PLEKHO2: variants seen among roughly 807,000 people sequenced by gnomAD.
PLEKHO2 encodes the protein pleckstrin homology domain containing O2.
Under a neutral mutation model 32.7 loss-of-function variants are expected in PLEKHO2, and 20 were observed. The observed-to-expected ratio is 0.61, with a 90% confidence interval of 0.43 to 0.89. PLEKHO2 has a LOEUF of 0.89. PLEKHO2 is among the 40% of genes least tolerant of loss of function. PLEKHO2 has a pLI of 0.00. For synonymous variants in PLEKHO2, 247 were observed against 246.3 expected (o/e 1.00, Z -0.03); for missense variants, 568 against 621.2 (o/e 0.91, Z 0.91).
intron 1 of PLEKHO2, 25 bp downstream of exon 1, chr15:64,842,053 T>C: frequency 8.1e-7 from 1 of 1,237,276 alleles, no homozygotes; most frequent in Non-Finnish European, 1.0e-6. Context: ...CGGCGGGGCG[T>C]TGGGCTGGGG....
chr15:64,846,310 G>A (rs937460444), intron 1 of PLEKHO2, among the ~76,000 whole-genome samples: 9 of 151,776 alleles, frequency 5.9e-5, no homozygotes, highest in Admixed American at 5.3e-4. Flanking sequence ...CTATATCTGG[G>A]AAGACCTTTT....
chr15:64,865,587 T>G lies in PLEKHO2; in HGVS notation c.1172T>G (p.Leu391Arg). 3.7e-6 allele frequency: 6 copies of G among 1,614,196 alleles called. No individual in the cohort carries two copies. The highest frequency in any genetic ancestry group is 4.2e-6 in the Non-Finnish European group (5 of 1,180,016). Reference sequence around the variant, plus strand: ...CAGTTCCATCCCCGCTGCTCCTCCCTTGGGGACTTGCTTGGGGAAGGCCCG... The same window carrying G: ...CAGTTCCATCCCCGCTGCTCCTCCCGTGGGGACTTGCTTGGGGAAGGCCCG... ...PPQFHPRCSS[L>R]GDLLGEGPRH... is the part of the protein sequence containing the mutation. The change falls in exon 6 of 6, where the codon CTT becomes CGT. Residue 391 changes from leucine (L) to arginine (R), a missense_variant. Coordinates refer to ENST00000323544, the MANE Select transcript of PLEKHO2 (RefSeq NM_025201.5).
At chr15:64,863,095 C>A (rs1160949750) in intron 5 of PLEKHO2, among the ~76,000 whole-genome samples, 1 of 151,870 alleles carries the variant, frequency 6.6e-6, no homozygotes, top group Non-Finnish European at 1.5e-5. Flanking sequence ...CCTCCACCAC[C>A]CCCGGCTAAT....
At chr15:64,852,920 G>T (rs1369941802) in intron 2 of PLEKHO2, among the ~76,000 whole-genome samples, 1 of 152,052 alleles carries the variant, frequency 6.6e-6, no homozygotes, top group African/African-American at 2.4e-5. Flanking sequence ...GGCTGAGGCA[G>T]GTGGATCACT....
intron 1 of PLEKHO2, among the ~76,000 whole-genome samples, chr15:64,846,302 A>T (rs1411359500): frequency 1.3e-5 from 2 of 150,496 alleles, no homozygotes; most frequent in Non-Finnish European, 3.0e-5. Flanking sequence ...CCTTGTTCCT[A>T]TATCTGGGAA....
chr15:64,848,519 G>T, intron 1 of PLEKHO2, 74 bp from the exon 2 acceptor site: 1 of 1,570,210 alleles, frequency 6.4e-7, no homozygotes, highest in Non-Finnish European at 8.7e-7. Context: ...CACATCCCTT[G>T]TGTGACCTAT....
At position 64,842,043 on chromosome 15, in the gene PLEKHO2, C is replaced by T. The variant is rs1403223540; in HGVS notation, c.12+15C>T. 1 of 1,239,080 alleles carries T rather than the reference C, an allele frequency of 8.1e-7. No homozygotes were observed. The highest frequency in any genetic ancestry group is 1.0e-6 in the Non-Finnish European group (1 of 991,064). 76.8% of individuals were successfully genotyped at this position (1,239,080 alleles called of 1,614,324 possible). On this transcript the variant is annotated intron_variant, in intron 1 of 5. Transcript: ENST00000323544. ...TGGAGGAGGAGGTGAGGGCGGGGCCCGGCGGGGCGTTGGGCTGGGGTCCTC... is the reference window on the plus strand; with the variant it reads ...TGGAGGAGGAGGTGAGGGCGGGGCCTGGCGGGGCGTTGGGCTGGGGTCCTC...
At chr15:64,844,389 G>A (rs2084508043) in intron 1 of PLEKHO2, among the ~76,000 whole-genome samples, 1 of 152,190 alleles carries the variant, frequency 6.6e-6, no homozygotes, top group South Asian at 2.1e-4. Flanking sequence ...GAAAAGGGTG[G>A]GTGATCGAGC....
rs775377442 is a variant in PLEKHO2 at position 64,865,512 on chromosome 15, C to G, written c.1097C>G (p.Pro366Arg). ...GCTGAGGGCACCCCAGGAACTCCTC[C>G]AAAGGATGCAACAACATCCACAGCA... is the stretch of plus-strand genomic sequence containing the variant. ...SQAEGTPGTPPKDATTSTALP... is the reference protein window; with the variant it reads ...SQAEGTPGTPRKDATTSTALP... The change falls in exon 6 of 6, where the codon CCA (proline) becomes CGA (arginine). Residue 366 changes from proline (P) to arginine (R), a missense_variant. Transcript: ENST00000323544. 6.2e-7 allele frequency: 1 copy of G among 1,614,044 alleles called. No individual in the cohort carries two copies. Among genetic ancestry groups the G allele is most frequent in the East Asian group, 2.2e-5 (1 of 44,882 alleles).
At chr15:64,860,147 C>A in intron 4 of PLEKHO2, 149 bp downstream of exon 4, 1 of 653,050 alleles carries the variant, frequency 1.5e-6, no homozygotes, top group East Asian at 2.8e-5. Flanking sequence ...ATAGTCCTCA[C>A]TACAGCCCCT....
intron 3 of PLEKHO2, 121 bp from the exon 4 acceptor site, chr15:64,859,773 C>CA: frequency 1.3e-6 from 1 of 785,992 alleles, no homozygotes; most frequent in Non-Finnish European, 2.2e-6. Context: ...GCCCCAGTGT[C>CA]ATACTTAACT....
chr15:64,863,760 T>TG (rs1320775208), intron 5 of PLEKHO2, among the ~76,000 whole-genome samples: 2 of 151,116 alleles, frequency 1.3e-5, no homozygotes, highest in African/African-American at 4.9e-5. Flanking sequence ...TTTTTTTTTT[T>TG]GAGACGGAGC....
chr15:64,861,024 A>C (rs16948306), intron 4 of PLEKHO2, among the ~76,000 whole-genome samples: 50,220 of 152,190 alleles, frequency 0.33, 10,922 homozygotes, highest in East Asian at 0.76. Flanking sequence ...GAAGATGCTG[A>C]CCTCCAGGCT....
At chr15:64,854,788 T>G (rs2084594594) in intron 2 of PLEKHO2, 133 bp from the exon 3 acceptor site, 2 of 668,786 alleles carry the variant, frequency 3.0e-6, no homozygotes, top group Admixed American at 4.3e-5. Flanking sequence ...GGTGACTGAT[T>G]GGCAGCCTGA....
At chr15:64,849,545 A>G (rs11071819) in intron 2 of PLEKHO2, among the ~76,000 whole-genome samples, 106,915 of 150,854 alleles carry the variant, frequency 0.71, 38,590 homozygotes, top group East Asian at 0.94. Flanking sequence ...CCAGGTTCAA[A>G]CAATTCTCCT....
At position 64,859,879 on chromosome 15, in the gene PLEKHO2, C is replaced by T; in HGVS notation, c.280-15C>T. 1.2e-6 allele frequency: 2 copies of T among 1,605,338 alleles called. No individual in the cohort carries two copies. The highest frequency in any genetic ancestry group is 1.7e-6 in the Non-Finnish European group (2 of 1,172,036). On this transcript the variant is annotated splice_polypyrimidine_tract_variant and intron_variant, in intron 3 of 5. Transcript: ENST00000323544. ...GTTAAACATCTGCCATCTACTCCAT[C>T]CATCTTGCCCACAGGTCAGCGACAT...
At position 64,861,970 on chromosome 15, in the gene PLEKHO2, G is replaced by C. The variant is rs115778341; in HGVS notation, c.483+395G>C. Among the ~76,000 whole-genome samples the C allele has an allele frequency of 2.9e-3, 443 of 152,304 alleles. 2 individuals are homozygous for C. Among genetic ancestry groups the C allele is most frequent in the African/African-American group, 0.01 (421 of 41,568 alleles). The stretch of plus-strand genomic sequence containing the variant: ...GAGGAAGGAAGGCTCTAGGAGGTCA[G>C]GGCAGGAGGGACCACAAGGAGCCAC... On this transcript the variant is annotated intron_variant, in intron 5 of 5. Transcript: ENST00000323544.
In PLEKHO2 at chr15:64,859,877, A is replaced by C; in HGVS notation, c.280-17A>C. 6.2e-7 allele frequency: 1 copy of C among 1,604,806 alleles called. No individual in the cohort carries two copies. Among genetic ancestry groups the C allele is most frequent in the Non-Finnish European group, 8.5e-7 (1 of 1,171,538 alleles). ...TTGTTAAACATCTGCCATCTACTCC[A>C]TCCATCTTGCCCACAGGTCAGCGAC... On this transcript the variant is annotated splice_polypyrimidine_tract_variant and intron_variant, in intron 3 of 5. Transcript: ENST00000323544.
At position 64,848,738 on chromosome 15, in the gene PLEKHO2, A is replaced by G. The variant is rs147092751; in HGVS notation, c.158A>G (p.Asn53Ser). 2.2e-4 allele frequency: 358 copies of G among 1,613,906 alleles called. No individual in the cohort carries two copies. The highest frequency in any genetic ancestry group is 2.5e-4 in the Non-Finnish European group (298 of 1,180,002). ...CAGGCCCAGCTGCTGGTCTATGAGA[A>G]TGAGGTGAGGACCTGCTTGGCCCTG... Reference protein sequence around the residue: ...LCQAQLLVYENEDDQKCVETV... With the variant: ...LCQAQLLVYESEDDQKCVETV... Residue 53 changes from asparagine to serine, a missense_variant, in exon 2 of 6, where the codon AAT becomes AGT. Physicochemically the swap from Asn to Ser is conservative, Grantham distance 46. Transcript: ENST00000323544.
Sources: gnomAD v4.1 joint callset for allele counts (sites outside exome capture counted in the v4.1 genomes callset) on GRCh38, gnomAD v4.1.1 for gene constraint, MANE v1.5 for transcripts, NCBI Gene and HGNC (gene_info 2026-07-23, HGNC 2026-07-21) for gene names.